SYNPR: variants seen among roughly 807,000 people sequenced by gnomAD.
SYNPR encodes the protein synaptoporin.
SYNPR carries 23 observed loss-of-function variants against 32.9 expected under a neutral mutation model. The ratio of observed to expected loss-of-function variants is 0.70; its 90% CI spans 0.50 to 0.99. SYNPR has a LOEUF of 0.99. Ranked by LOEUF, SYNPR falls within the 50% of genes least tolerant of loss-of-function variation. The probability of loss-of-function intolerance (pLI) is 0.00; values close to 1 mark genes in which losing one functional copy is unlikely to be tolerated. For missense variants in SYNPR, 318 were observed against 349.3 expected (o/e 0.91, Z 0.71); for synonymous variants, 146 against 135.9 (o/e 1.07, Z -0.52).
chr3:63,529,080 T>C (rs1434927134), intron 3 of SYNPR, among the ~76,000 whole-genome samples: 1 of 150,790 alleles, frequency 6.6e-6, no homozygotes, highest in Non-Finnish European at 1.5e-5. Context: ...CTAGCTTGCC[T>C]GACTCTAGGG....
At chr3:63,540,537 A>G (rs1278542258) in intron 3 of SYNPR, among the ~76,000 whole-genome samples, 3 of 152,080 alleles carry the variant, frequency 2.0e-5, no homozygotes, top group Admixed American at 1.3e-4. Flanking sequence ...CATGCAGAAA[A>G]AGAAACGAGC....
chr3:63,278,259 GT>G (rs1226728010), upstream of SYNPR: 1 of 445,632 alleles, frequency 2.2e-6, no homozygotes. Flanking sequence ...GGCTCCATGG[GT>G]TTCCCCCTCC....
chr3:63,320,104 C>A (rs2106966554), intron 2 of SYNPR, among the ~76,000 whole-genome samples: 1 of 152,066 alleles, frequency 6.6e-6, no homozygotes, highest in Non-Finnish European at 1.5e-5. Context: ...TGTGCAGCAC[C>A]ATACCTGGCT....
At chr3:63,460,572 CAAAAA>C (rs11390803) in intron 2 of SYNPR, among the ~76,000 whole-genome samples, 1 of 45,710 alleles carries the variant, frequency 2.2e-5, no homozygotes, top group Non-Finnish European at 3.9e-5. Flanking sequence ...ATTGGTAGAC[CAAAAA>C]AAAAAAAAAA....
intron 3 of SYNPR, among the ~76,000 whole-genome samples, chr3:63,500,932 T>G (rs1559518548): frequency 1.3e-5 from 2 of 152,188 alleles, no homozygotes; most frequent in South Asian, 4.1e-4. Flanking sequence ...GTACAAGTTA[T>G]TAATCTCTCT....
intron 3 of SYNPR, among the ~76,000 whole-genome samples, chr3:63,514,798 C>G (rs944794451): frequency 6.6e-6 from 1 of 152,060 alleles, no homozygotes; most frequent in South Asian, 2.1e-4. Context: ...TCTTAGGATG[C>G]CTGAGACTTG....
intron 3 of SYNPR, among the ~76,000 whole-genome samples, chr3:63,497,844 A>T (rs1313496026): frequency 2.6e-5 from 4 of 152,104 alleles, no homozygotes; most frequent in African/African-American, 9.7e-5. Context: ...TTCCTCCCTA[A>T]CTCAGGCTCA....
intron 2 of SYNPR, among the ~76,000 whole-genome samples, chr3:63,413,640 A>C (rs1254616885): frequency 1.3e-5 from 2 of 152,202 alleles, no homozygotes; most frequent in African/African-American, 2.4e-5. Context: ...CTAAGCTAGA[A>C]CTTTAAATAG....
At chr3:63,265,241 C>CTTTTT (rs71126590) in intron 2 of SYNPR, among the ~76,000 whole-genome samples, 10 of 102,214 alleles carry the variant, frequency 9.8e-5, no homozygotes, top group Non-Finnish European at 1.7e-4. Context: ...TAATGACATT[C>CTTTTT]TTTTTTTTTT....
At chr3:63,598,262 T>C (rs946850239) in intron 4 of SYNPR, among the ~76,000 whole-genome samples, 2 of 152,242 alleles carry the variant, frequency 1.3e-5, no homozygotes, top group Non-Finnish European at 2.9e-5. Context: ...TTACCTGGTC[T>C]GAAATGCTAA....
chr3:63,318,210 G>A (rs766172891), intron 2 of SYNPR, among the ~76,000 whole-genome samples: 42 of 151,926 alleles, frequency 2.8e-4, no homozygotes, highest in Non-Finnish European at 4.6e-4. Context: ...CTTGACTTTG[G>A]ATAACCTGAT....
chr3:63,382,729 A>G (rs2087987974), intron 2 of SYNPR, among the ~76,000 whole-genome samples: 1 of 152,166 alleles, frequency 6.6e-6, no homozygotes, highest in Non-Finnish European at 1.5e-5. Context: ...TGTGTTTTAT[A>G]TATAATTTCT....
At chr3:63,310,152 C>G (rs917589914) in intron 2 of SYNPR, among the ~76,000 whole-genome samples, 1 of 151,928 alleles carries the variant, frequency 6.6e-6, no homozygotes, top group Admixed American at 6.6e-5. Context: ...GTATACTCTT[C>G]TTTTTTCCAT....
intron 2 of SYNPR, among the ~76,000 whole-genome samples, chr3:63,368,245 T>G (rs2087751365): frequency 6.6e-6 from 1 of 152,244 alleles, no homozygotes; most frequent in Admixed American, 6.5e-5. Context: ...GCACATTGTC[T>G]GCTTCCCAGC....
intron 3 of SYNPR, among the ~76,000 whole-genome samples, chr3:63,493,700 C>T (rs978167627): frequency 2.6e-5 from 4 of 151,638 alleles, no homozygotes; most frequent in African/African-American, 9.7e-5. Flanking sequence ...CCTGTAGTCC[C>T]AGCTACTTGG....
chr3:63,248,090 A>G (rs997652045), intron 1 of SYNPR, among the ~76,000 whole-genome samples: 2 of 152,164 alleles, frequency 1.3e-5, no homozygotes. Context: ...CTTGGGATTG[A>G]GAGCTATTAA....
chr3:63,336,936 A>T (rs2367792), intron 2 of SYNPR, among the ~76,000 whole-genome samples: 32,787 of 151,994 alleles, frequency 0.22, 4,040 homozygotes, highest in South Asian at 0.38. Context: ...GCCAAAGAAG[A>T]TATGTCCATG....
intron 3 of SYNPR, among the ~76,000 whole-genome samples, chr3:63,512,910 T>C (rs1049809129): frequency 2.0e-5 from 3 of 152,138 alleles, no homozygotes; most frequent in African/African-American, 7.2e-5. Context: ...AAAATCTAAA[T>C]TTTAAAAGTC....
intron 3 of SYNPR, among the ~76,000 whole-genome samples, chr3:63,495,905 C>T (rs373327697): frequency 6.8e-4 from 104 of 151,950 alleles, no homozygotes; most frequent in African/African-American, 2.3e-3. Context: ...TTCTCCAAGC[C>T]CACAGAATGT....
Sources: allele counts gnomAD v4.1 joint callset (sites outside exome capture counted in the v4.1 genomes callset), GRCh38; gene constraint gnomAD v4.1.1; transcripts MANE v1.5; gene names NCBI Gene and HGNC (gene_info 2026-07-23, HGNC 2026-07-21).